TAOK1: variants seen among roughly 807,000 people sequenced by gnomAD.
The protein encoded by TAOK1 is serine/threonine-protein kinase TAO1.
TAOK1 carries 21 observed loss-of-function variants against 138.3 expected under a neutral mutation model. The ratio of observed to expected loss-of-function variants is 0.15; its 90% CI spans 0.11 to 0.22. The LOEUF is 0.22. TAOK1 is among the 10% of genes least tolerant of loss of function. TAOK1 has a pLI of 1.00. For synonymous variants in TAOK1, 361 were observed against 398.4 expected, an observed-to-expected ratio of 0.91 and a Z score of 1.12; for missense variants, 651 against 1,227.7, an observed-to-expected ratio of 0.53 and a Z score of 7.02.
At chr17:29,516,721 G>C (rs549719445) in intron 15 of TAOK1, among the ~76,000 whole-genome samples, 1 of 151,364 alleles carries the variant, frequency 6.6e-6, no homozygotes, top group East Asian at 2.0e-4. Flanking sequence ...CGCTGGTCTC[G>C]AACTCCCAAC....
At chr17:29,464,822 C>CTTTTTTT (rs547368498) in intron 2 of TAOK1, among the ~76,000 whole-genome samples, 1 of 132,092 alleles carries the variant, frequency 7.6e-6, no homozygotes, top group Non-Finnish European at 1.6e-5. Flanking sequence ...TAAGCTCTGT[C>CTTTTTTT]TTTTTTTTTT....
At chr17:29,482,722 T>A (rs58488537) in intron 8 of TAOK1, among the ~76,000 whole-genome samples, 5,334 of 151,766 alleles carry the variant, frequency 0.035, 292 homozygotes, top group African/African-American at 0.12. Context: ...TGTAACAGTT[T>A]GATATATATA....
intron 1 of TAOK1, among the ~76,000 whole-genome samples, chr17:29,425,500 G>A (rs1484720073): frequency 6.6e-6 from 1 of 152,118 alleles, no homozygotes; most frequent in African/African-American, 2.4e-5. Flanking sequence ...GCAGCATGGC[G>A]ATACCCCATC....
At chr17:29,520,808 G>A (rs2031901753) in intron 16 of TAOK1, among the ~76,000 whole-genome samples, 1 of 151,604 alleles carries the variant, frequency 6.6e-6, no homozygotes, top group African/African-American at 2.4e-5. Flanking sequence ...GGCAGATCAC[G>A]AGGTCAGGAG....
At chr17:29,394,387 G>A (rs988006861) in intron 1 of TAOK1, among the ~76,000 whole-genome samples, 9 of 151,728 alleles carry the variant, frequency 5.9e-5, no homozygotes, top group East Asian at 1.9e-4. Flanking sequence ...GGATGGTCTC[G>A]ATCTCCTGAC....
chr17:29,482,760 G>A (rs1367049183), intron 8 of TAOK1, among the ~76,000 whole-genome samples: 4 of 149,302 alleles, frequency 2.7e-5, no homozygotes, highest in Admixed American at 1.3e-4. Flanking sequence ...TTTTTAAGAC[G>A]GTAAGGCCGA....
chr17:29,473,681 G>C (rs926494098), intron 3 of TAOK1, among the ~76,000 whole-genome samples: 1 of 150,434 alleles, frequency 6.6e-6, no homozygotes, highest in African/African-American at 2.4e-5. Context: ...CTTGCATGTA[G>C]CCTCTACATC....
At chr17:29,529,177 T>G (rs931106425) in intron 17 of TAOK1, among the ~76,000 whole-genome samples, 1 of 152,140 alleles carries the variant, frequency 6.6e-6, no homozygotes, top group South Asian at 2.1e-4. Context: ...TCTCACTATG[T>G]TGGCTCAGGC....
intron 2 of TAOK1, among the ~76,000 whole-genome samples, chr17:29,465,442 G>A (rs988871345): frequency 2.6e-5 from 4 of 151,860 alleles, no homozygotes; most frequent in Admixed American, 2.0e-4. Flanking sequence ...GAGTCACCGC[G>A]CCTGGCCCTT....
chr17:29,512,986 A>C (rs2031749909), intron 15 of TAOK1: 1 of 151,454 alleles, frequency 6.6e-6, no homozygotes, highest in Non-Finnish European at 1.5e-5. Context: ...CTGGCCCGAC[A>C]ACTTCTTAAA....
intron 1 of TAOK1, among the ~76,000 whole-genome samples, chr17:29,403,539 A>G (rs1207593966): frequency 1.3e-5 from 2 of 152,118 alleles, no homozygotes; most frequent in East Asian, 1.9e-4. Context: ...TATTTAATAT[A>G]TAGTATTTAA....
rs560134957 is a variant in TAOK1 at position 29,406,552 on chromosome 17, G to A, written c.-95+15528G>A. The stretch of plus-strand genomic sequence containing the variant: ...CTTTTCTTTTTTCTTTTTTGAGACT[G>A]GATCTCACTGTTTTGCCCAGACTGA... On this transcript the variant is annotated intron_variant, in intron 1 of 19. Coordinates refer to ENST00000261716, the MANE Select transcript of TAOK1 (RefSeq NM_020791.4). Among the ~76,000 whole-genome samples the A allele has an allele frequency of 7.2e-5, 11 of 152,030 alleles. No individual in the cohort carries two copies. The South Asian group carries it at 2.1e-3, about 29-fold the overall frequency.
chr17:29,466,188 G>C (rs2030663384), intron 2 of TAOK1, among the ~76,000 whole-genome samples: 1 of 152,118 alleles, frequency 6.6e-6, no homozygotes, highest in South Asian at 2.1e-4. Flanking sequence ...TTGCTGTCCA[G>C]GCTGGAGTGC....
At chr17:29,472,782 G>A (rs1446487111) in intron 3 of TAOK1, among the ~76,000 whole-genome samples, 4 of 151,268 alleles carry the variant, frequency 2.6e-5, no homozygotes, top group African/African-American at 9.7e-5. Flanking sequence ...CTCCATGTCG[G>A]TCAGGCTAGT....
intron 18 of TAOK1, among the ~76,000 whole-genome samples, chr17:29,533,127 G>A (rs552463566): frequency 1.3e-5 from 2 of 150,050 alleles, no homozygotes; most frequent in East Asian, 4.0e-4. Context: ...CAGACGGGGC[G>A]GTTGCCGGGC....
intron 8 of TAOK1, among the ~76,000 whole-genome samples, chr17:29,489,412 T>G (rs1196839686): frequency 1.3e-5 from 2 of 152,076 alleles, no homozygotes; most frequent in Non-Finnish European, 2.9e-5. Context: ...GTGGGAGGAT[T>G]GCTTGAGCAC....
Position 29,546,305 on chromosome 17 carries a change from C to T in TAOK1, c.*3283C>T, listed in dbSNP as rs2032402806. 1 of 151,984 alleles carries T rather than the reference C, an allele frequency of 6.6e-6. No homozygotes were observed. The highest frequency in any genetic ancestry group is 2.4e-5 in the African/African-American group (1 of 41,390). 9.4% of individuals were successfully genotyped at this position (151,984 alleles called of 1,614,324 possible). A position where few individuals can be genotyped will look rare whatever the true frequency, so the allele number is the denominator to read the frequency against. ...TAGCATAGTCATGATTTTTGGTTGC[C>T]TAGACATCAGGTAAACATTCAGTAC... is the stretch of plus-strand genomic sequence containing the variant. On this transcript the variant is annotated 3_prime_UTR_variant, in exon 20 of 20. Coordinates refer to ENST00000261716, the MANE Select transcript of TAOK1 (RefSeq NM_020791.4).
At chr17:29,438,114 G>A (rs746568053) in intron 1 of TAOK1, among the ~76,000 whole-genome samples, 20 of 152,130 alleles carry the variant, frequency 1.3e-4, no homozygotes, top group Non-Finnish European at 2.2e-4. Flanking sequence ...GGATGGTATT[G>A]AGAAGACTGT....
intron 12 of TAOK1, among the ~76,000 whole-genome samples, chr17:29,501,775 G>A (rs868673615): frequency 7.2e-5 from 11 of 152,064 alleles, no homozygotes; most frequent in South Asian, 4.2e-4. Context: ...AGTGACTCAC[G>A]CATGTAATCC....
Sources: gnomAD v4.1 joint callset for allele counts (sites outside exome capture counted in the v4.1 genomes callset) on GRCh38, gnomAD v4.1.1 for gene constraint, MANE v1.5 for transcripts, NCBI Gene and HGNC (gene_info 2026-07-23, HGNC 2026-07-21) for gene names.